LAMA4: variants seen among roughly 807,000 people sequenced by gnomAD.
The protein encoded by LAMA4 is laminin subunit alpha-4.
Under a neutral mutation model 207.1 loss-of-function variants are expected in LAMA4, and 127 were observed. The ratio of observed to expected loss-of-function variants is 0.61; its 90% CI spans 0.53 to 0.71. LAMA4 has a LOEUF of 0.71. Ranked by LOEUF, LAMA4 falls within the 30% of genes least tolerant of loss-of-function variation. The pLI, the probability that LAMA4 is intolerant of heterozygous loss-of-function variation, is 0.00. For synonymous variants in LAMA4, 761 were observed against 816.0 expected, an observed-to-expected ratio of 0.93 and a Z score of 1.15; for missense variants, 2,093 against 2,246.5, an observed-to-expected ratio of 0.93 and a Z score of 1.38.
Position 112,210,610 on chromosome 6 carries a change from C to T in LAMA4, c.298-3465G>A, listed in dbSNP as rs554894811. Reference sequence around the variant, plus strand: ...CAGTGTGCTTTATGCAAGACTAGATCCATGGATCTCTAAGTATGCCCAGGG... The same window carrying T: ...CAGTGTGCTTTATGCAAGACTAGATTCATGGATCTCTAAGTATGCCCAGGG... On this transcript the variant is annotated intron_variant, in intron 3 of 38. Transcript: ENST00000230538. Among the ~76,000 whole-genome samples the T allele has an allele frequency of 1.6e-4, 25 of 152,204 alleles. No individual in the cohort carries two copies. The East Asian group carries it at 4.1e-3, about 25-fold the overall frequency.
Position 112,158,891 on chromosome 6 carries a change from A to C in LAMA4, c.1669-11T>G. The C allele has an allele frequency of 6.4e-7, 1 of 1,558,034 alleles. No homozygotes were observed. Among genetic ancestry groups the C allele is most frequent in the African/African-American group, 1.4e-5 (1 of 73,864 alleles). On this transcript the variant is annotated splice_polypyrimidine_tract_variant and intron_variant, in intron 13 of 38. Transcript: ENST00000230538. ...AATCCCTGACGCATTCTAAAGAAAA[A>C]AATTTTAATAAATACATTGAATTTA... is the stretch of plus-strand genomic sequence containing the variant.
chr6:112,216,079 A>G (rs1352666250), intron 3 of LAMA4, among the ~76,000 whole-genome samples: 1 of 152,232 alleles, frequency 6.6e-6, no homozygotes, highest in Non-Finnish European at 1.5e-5. Flanking sequence ...TCCTCTATGT[A>G]TCATTTTCAA....
In LAMA4 at chr6:112,250,840, C is replaced by T. The variant is rs374599603; in HGVS notation, c.195+3116G>A. Among the ~76,000 whole-genome samples the T allele has an allele frequency of 3.9e-5, 6 of 152,158 alleles. No homozygotes were observed. In the East Asian group the frequency reaches 5.8e-4, roughly 15 times the overall value. On this transcript the variant is annotated intron_variant, in intron 2 of 38. Transcript: ENST00000230538. ...GTTACTGGCTTCTTGTGGGGGTGTT[C>T]CCATCTTCATTCCTGCCCCCACACC...
At position 112,108,459 on chromosome 6, in the gene LAMA4, G is replaced by A. The variant is rs587757621; in HGVS notation, c.*978C>T. ...AGACAGGATCTCACTCTGTTGCCCA[G>A]GCTGGAGTGCAGGTACAGTCAGCAG... On this transcript the variant is annotated 3_prime_UTR_variant, in exon 39 of 39. Coordinates refer to ENST00000230538, the MANE Select transcript of LAMA4 (RefSeq NM_001105206.3). Among the ~76,000 whole-genome samples, 5 of 152,230 alleles carry A rather than the reference G, an allele frequency of 3.3e-5. No homozygotes were observed. Among genetic ancestry groups the A allele is most frequent in the Admixed American group, 3.3e-4 (5 of 15,272 alleles).
intron 9 of LAMA4, chr6:112,179,988 A>T: frequency 1.9e-6 from 1 of 517,652 alleles, no homozygotes; most frequent in Non-Finnish European, 4.0e-6. Flanking sequence ...TTTTAAAATT[A>T]AATATGCAGA....
intron 12 of LAMA4, chr6:112,172,054 C>T (rs9387060): frequency 0.48 from 76,510 of 158,298 alleles, 19,772 homozygotes; most frequent in Middle Eastern, 0.62. Context: ...CACATGACCA[C>T]TACCAGTTCT....
Position 112,116,692 on chromosome 6 carries a change from G to A in LAMA4, c.4982-699C>T, listed in dbSNP as rs587759121. Among the ~76,000 whole-genome samples, 10 of 152,196 alleles carry A rather than the reference G, an allele frequency of 6.6e-5. No homozygotes were observed. In the East Asian group the frequency reaches 1.7e-3, roughly 26 times the overall value. ...ACTCCAAGAGACTCATTGCAAACCAGGGCATCTAAATAATGTTCATTTAAT... is the reference window on the plus strand; with the variant it reads ...ACTCCAAGAGACTCATTGCAAACCAAGGCATCTAAATAATGTTCATTTAAT... On this transcript the variant is annotated intron_variant, in intron 35 of 38. Coordinates refer to ENST00000230538, the MANE Select transcript of LAMA4 (RefSeq NM_001105206.3).
intron 9 of LAMA4, chr6:112,179,856 C>G (rs1554344874): frequency 3.8e-6 from 2 of 525,570 alleles, no homozygotes; most frequent in South Asian, 2.9e-5. Context: ...TCATCAGTCC[C>G]TTCATAAACT....
At chr6:112,152,975 T>TA (rs1554336065) in intron 16 of LAMA4, among the ~76,000 whole-genome samples, 1 of 152,062 alleles carries the variant, frequency 6.6e-6, no homozygotes, top group African/African-American at 2.4e-5. Flanking sequence ...GAGCACTTGA[T>TA]AAAAAGAGGA....
rs782225670 is a variant in LAMA4, at chr6:112,128,954, A to G, written c.4255T>C (p.Leu1419=). The G allele has an allele frequency of 6.2e-6, 10 of 1,613,320 alleles. No homozygotes were observed. The highest frequency in any genetic ancestry group is 1.6e-4 in the Middle Eastern group (1 of 6,080). The change falls in exon 31 of 39, where the codon TTA becomes CTA. Residue 1419 remains leucine, a synonymous_variant. Coordinates refer to ENST00000230538, the MANE Select transcript of LAMA4 (RefSeq NM_001105206.3). ...TTCTGACTTGCTTTAGGCTTGGATA[A>G]ATTTTTTCCTTTTTTATGGAGGAGA... is the stretch of plus-strand genomic sequence containing the variant. The part of the protein sequence containing the change: ...LFLLHKKGKN[L]SKPKASQNKK...
At chr6:112,170,484 C>T (rs926588780) in intron 12 of LAMA4, among the ~76,000 whole-genome samples, 6 of 152,184 alleles carry the variant, frequency 3.9e-5, no homozygotes, top group Non-Finnish European at 5.9e-5. Context: ...ATAGTGTTAT[C>T]CTGCAGGCTA....
intron 13 of LAMA4, among the ~76,000 whole-genome samples, chr6:112,159,798 C>T (rs1554337922): frequency 6.6e-6 from 1 of 152,196 alleles, no homozygotes; most frequent in African/African-American, 2.4e-5. Flanking sequence ...CCTCACTCTA[C>T]TCCTGTGAGA....
chr6:112,126,496 C>T (rs1562635814), intron 31 of LAMA4, among the ~76,000 whole-genome samples: 1 of 152,170 alleles, frequency 6.6e-6, no homozygotes, highest in Non-Finnish European at 1.5e-5. Context: ...TCCTAAGAAA[C>T]TACTAAGTTT....
chr6:112,167,034 C>G (rs1781421233), intron 12 of LAMA4, among the ~76,000 whole-genome samples: 1 of 152,098 alleles, frequency 6.6e-6, no homozygotes, highest in Non-Finnish European at 1.5e-5. Flanking sequence ...TCATGTTCAT[C>G]TGATAAGTTT....
intron 6 of LAMA4, among the ~76,000 whole-genome samples, chr6:112,190,226 T>C (rs1782934688): frequency 6.6e-6 from 1 of 152,224 alleles, no homozygotes; most frequent in Non-Finnish European, 1.5e-5. Flanking sequence ...AATCAGGATG[T>C]CAACCTTTCA....
chr6:112,132,780 A>G lies in LAMA4; in HGVS notation c.3807T>C (p.Asn1269=). The G allele has an allele frequency of 1.2e-6, 2 of 1,613,144 alleles. No homozygotes were observed. The highest frequency in any genetic ancestry group is 2.2e-5 in the South Asian group (2 of 91,062). ...CTGAAGCATAATAGAATAGTAACCC[A>G]TTTGGTTGTAATGTTCGGAAATTAA... ...GGFNFRTLQP[N]GLLFYYASGS... is the part of the protein sequence containing the mutation. Residue 1269 remains asparagine (N), a synonymous_variant, in exon 28 of 39, where the codon AAT becomes AAC. Transcript: ENST00000230538.
intron 9 of LAMA4, among the ~76,000 whole-genome samples, chr6:112,183,950 C>CAAAAAAAAAAAA (rs782424211): frequency 1.2e-5 from 1 of 81,732 alleles, no homozygotes; most frequent in Non-Finnish European, 2.4e-5. Context: ...GACTCCATCT[C>CAAAAAAAAAAAA]AAAAAAAAAA....
intron 22 of LAMA4, 131 bp from the exon 23 acceptor site, chr6:112,140,016 G>T: frequency 1.2e-6 from 1 of 857,720 alleles, no homozygotes; most frequent in Non-Finnish European, 1.9e-6. Flanking sequence ...CTAGACCCGA[G>T]TGTGTTTATG....
At chr6:112,158,931 A>AT (rs1780888397) in intron 13 of LAMA4, 51 bp from the exon 14 acceptor site, 2 of 1,297,368 alleles carry the variant, frequency 1.5e-6, no homozygotes, top group Non-Finnish European at 2.2e-6. Context: ...AACTTAAAAC[A>AT]TTTTTCCTAG....
Sources: allele counts gnomAD v4.1 joint callset (sites outside exome capture counted in the v4.1 genomes callset), GRCh38; gene constraint gnomAD v4.1.1; transcripts MANE v1.5; gene names NCBI Gene and HGNC (gene_info 2026-07-23, HGNC 2026-07-21).